Variants in NR2C2 observed in about 807,000 individuals in gnomAD.
The protein encoded by NR2C2 is Nuclear hormone receptor TR4.
A neutral mutation model predicts 62.9 loss-of-function variants in NR2C2; 6 were observed. The ratio of observed to expected loss-of-function variants is 0.10; its 90% CI spans 0.05 to 0.19. NR2C2 has a LOEUF of 0.19. Ranked by LOEUF, NR2C2 falls within the 10% of genes least tolerant of loss-of-function variation. The probability of loss-of-function intolerance (pLI) is 1.00; values close to 1 mark genes in which losing one functional copy is unlikely to be tolerated. For synonymous variants in NR2C2, 272 were observed against 273.8 expected (o/e 0.99, Z 0.07); for missense variants, 479 against 762.7 (o/e 0.63, Z 4.38).
At chr3:14,956,048 A>G (rs1231492775) in intron 1 of NR2C2, among the ~76,000 whole-genome samples, 6 of 152,222 alleles carry the variant, frequency 3.9e-5, no homozygotes, top group African/African-American at 1.4e-4. Flanking sequence ...CACAATGGAA[A>G]GGAAATTACC....
At chr3:14,960,920 C>T (rs745501408) in intron 1 of NR2C2, among the ~76,000 whole-genome samples, 11 of 152,084 alleles carry the variant, frequency 7.2e-5, no homozygotes, top group Non-Finnish European at 1.0e-4. Flanking sequence ...TGTAACCAAA[C>T]TATAGCAAGA....
rs3773486 is a variant in NR2C2, at chr3:15,043,373, T to A, written c.*365T>A. ...AATAGTATGTGTGTATATATATATA[T>A]AAAAAAGTCCTTGGAATTATAGATA... On this transcript the variant is annotated 3_prime_UTR_variant, in exon 14 of 14. Coordinates refer to ENST00000425241, the MANE Select transcript of NR2C2 (RefSeq NM_001291694.2). 0.35 allele frequency: 54,941 copies of A among 155,282 alleles called. 12,251 individuals are homozygous for A. Among genetic ancestry groups the A allele is most frequent in the African/African-American group, 0.64 (26,743 of 41,578 alleles). The allele number at this position is 155,282 out of a possible 1,614,324, so 9.6% of individuals were successfully genotyped here. A position where few individuals can be genotyped will look rare whatever the true frequency, so the allele number is the denominator to read the frequency against.
intron 3 of NR2C2, among the ~76,000 whole-genome samples, chr3:15,015,882 A>G (rs1419361268): frequency 6.6e-6 from 1 of 151,376 alleles, no homozygotes; most frequent in African/African-American, 2.4e-5. Context: ...GCTCACTACA[A>G]CCTCTGCCTC....
chr3:14,969,736 G>A (rs1187735412), intron 1 of NR2C2, among the ~76,000 whole-genome samples: 1 of 152,116 alleles, frequency 6.6e-6, no homozygotes, highest in African/African-American at 2.4e-5. Flanking sequence ...CTATGTAAGG[G>A]GCTCTCAGCC....
At chr3:14,958,309 T>TA (rs1234499332) in intron 1 of NR2C2, among the ~76,000 whole-genome samples, 1 of 152,202 alleles carries the variant, frequency 6.6e-6, no homozygotes, top group Non-Finnish European at 1.5e-5. Flanking sequence ...ACTTGATTAG[T>TA]AAAATCACCA....
At position 15,046,432 on chromosome 3, in the gene NR2C2, T is replaced by G. The variant is rs2042454535; in HGVS notation, c.*3424T>G. 1 of 152,244 alleles carries G rather than the reference T, an allele frequency of 6.6e-6. No homozygotes were observed. Among genetic ancestry groups the G allele is most frequent in the Admixed American group, 6.5e-5 (1 of 15,288 alleles). 9.4% of individuals were successfully genotyped at this position (152,244 alleles called of 1,614,324 possible). ...GCTGTCTTACTTGTTTGGGGGATAG[T>G]TACGGCAAGGAGCAAAAAATTCTAA... On this transcript the variant is annotated 3_prime_UTR_variant, in exon 14 of 14. Coordinates refer to ENST00000425241, the MANE Select transcript of NR2C2 (RefSeq NM_001291694.2).
chr3:15,040,874 A>G lies in NR2C2; in HGVS notation c.1616+1647A>G, dbSNP rs1472854316. Among the ~76,000 whole-genome samples, 3 of 152,212 alleles carry G rather than the reference A, an allele frequency of 2.0e-5. No individual in the cohort carries two copies. In the East Asian group the frequency reaches 5.8e-4, roughly 29 times the overall value. ...AGTCAGGTTGTCCTCCTAGGAGGCC[A>G]CAGGCCTGCTCCCCCACAGTTCCCA... is the stretch of plus-strand genomic sequence containing the variant. On this transcript the variant is annotated intron_variant, in intron 13 of 13. Transcript: ENST00000425241.
At chr3:15,004,518 A>G in intron 2 of NR2C2, 1 of 1,578,772 alleles carries the variant, frequency 6.3e-7, no homozygotes, top group South Asian at 1.2e-5. Context: ...ATTGTTATTA[A>G]CTAATCGATA....
intron 1 of NR2C2, among the ~76,000 whole-genome samples, chr3:14,994,151 T>A (rs1449454789): frequency 6.6e-6 from 1 of 151,896 alleles, no homozygotes; most frequent in Non-Finnish European, 1.5e-5. Context: ...ATAGTGTTTT[T>A]AAATTTTTGT....
At chr3:14,960,332 C>T (rs1000821439) in intron 1 of NR2C2, among the ~76,000 whole-genome samples, 1 of 152,148 alleles carries the variant, frequency 6.6e-6, no homozygotes, top group Non-Finnish European at 1.5e-5. Flanking sequence ...TAAACTTAAA[C>T]AGATTTACTG....
At chr3:14,975,990 C>G (rs1213867489) in intron 1 of NR2C2, among the ~76,000 whole-genome samples, 1 of 151,870 alleles carries the variant, frequency 6.6e-6, no homozygotes, top group East Asian at 1.9e-4. Flanking sequence ...CCCGGGCTGA[C>G]CTCGAACTCC....
chr3:14,973,116 TA>T (rs1037120852), intron 1 of NR2C2, among the ~76,000 whole-genome samples: 2 of 152,298 alleles, frequency 1.3e-5, no homozygotes, highest in South Asian at 4.1e-4. Flanking sequence ...TCCTTTGATG[TA>T]AAAAAAGTTT....
rs780912261 is a variant in NR2C2, at chr3:15,030,316, G to T, written c.974G>T (p.Ser325Ile). The T allele has an allele frequency of 1.2e-5, 19 of 1,612,488 alleles. No homozygotes were observed. The South Asian group carries it at 2.0e-4, about 17-fold the overall frequency. Residue 325 changes from serine to isoleucine, a missense_variant, in exon 9 of 14, where the codon AGC becomes ATC. Transcript: ENST00000425241. The part of the protein sequence containing the change: ...TLAKALNTTD[S>I]SSSPSLADGI... The stretch of plus-strand genomic sequence containing the variant: ...GCTAAAGCACTTAATACCACAGACA[G>T]CTCCTCTTCTCCAAGCTTGGCAGAT...
chr3:15,020,821 T>C lies in NR2C2; in HGVS notation c.445T>C (p.Leu149=), dbSNP rs1166204561. ...CTTCAAAAGGAGTGTGAGGAAAAAT[T>C]TGACCTACAGCTGCCGGAGCAACCA... The part of the protein sequence containing the change: ...GFFKRSVRKN[L]TYSCRSNQDC... The change falls in exon 5 of 14, where the codon TTG becomes CTG. Residue 149 remains leucine, a synonymous_variant. Coordinates refer to ENST00000425241, the MANE Select transcript of NR2C2 (RefSeq NM_001291694.2). 4 of 1,614,144 alleles carry C rather than the reference T, an allele frequency of 2.5e-6. No homozygotes were observed. The highest frequency in any genetic ancestry group is 3.4e-6 in the Non-Finnish European group (4 of 1,180,020).
At chr3:14,960,639 C>A (rs866781413) in intron 1 of NR2C2, among the ~76,000 whole-genome samples, 2 of 152,178 alleles carry the variant, frequency 1.3e-5, no homozygotes, top group Admixed American at 6.5e-5. Flanking sequence ...AATTCAAATT[C>A]ACATATTTCT....
intron 1 of NR2C2, among the ~76,000 whole-genome samples, chr3:14,992,012 T>A (rs1029250809): frequency 3.9e-5 from 6 of 152,082 alleles, no homozygotes; most frequent in Admixed American, 3.9e-4. Context: ...CCTCAAGTGA[T>A]CTTCCTACCT....
At position 15,045,634 on chromosome 3, in the gene NR2C2, G is replaced by A. The variant is rs1402115760; in HGVS notation, c.*2626G>A. 1 of 152,636 alleles carries A rather than the reference G, an allele frequency of 6.6e-6. No homozygotes were observed. Among genetic ancestry groups the A allele is most frequent in the Non-Finnish European group, 1.5e-5 (1 of 68,044 alleles). 9.5% of individuals were successfully genotyped at this position (152,636 alleles called of 1,614,324 possible). ...ACTCATTTCAAGCCTCTGACTGCAG[G>A]TCCATTTCATCTCCTGTCAGGTTGG... is the stretch of plus-strand genomic sequence containing the variant. On this transcript the variant is annotated 3_prime_UTR_variant, in exon 14 of 14. Transcript: ENST00000425241.
At position 15,045,656 on chromosome 3, in the gene NR2C2, T is replaced by A. The variant is rs929530981; in HGVS notation, c.*2648T>A. On this transcript the variant is annotated 3_prime_UTR_variant, in exon 14 of 14. Transcript: ENST00000425241. ...CAGGTCCATTTCATCTCCTGTCAGGTTGGTTAAGTAAAGTCAGCCCAAAGT... is the reference window on the plus strand; with the variant it reads ...CAGGTCCATTTCATCTCCTGTCAGGATGGTTAAGTAAAGTCAGCCCAAAGT... 4.6e-5 allele frequency: 7 copies of A among 152,646 alleles called. No individual in the cohort carries two copies. Among genetic ancestry groups the A allele is most frequent in the African/African-American group, 1.7e-4 (7 of 41,452 alleles). 9.5% of individuals were successfully genotyped at this position (152,646 alleles called of 1,614,324 possible).
intron 1 of NR2C2, among the ~76,000 whole-genome samples, chr3:14,951,357 G>T (rs2125204230): frequency 6.6e-6 from 1 of 152,222 alleles, no homozygotes; most frequent in East Asian, 1.9e-4. Flanking sequence ...AGCAAATTTT[G>T]TTAAGTATAC....
Sources: gnomAD v4.1 joint callset for allele counts (sites outside exome capture counted in the v4.1 genomes callset) on GRCh38, gnomAD v4.1.1 for gene constraint, MANE v1.5 for transcripts, NCBI Gene and HGNC (gene_info 2026-07-23, HGNC 2026-07-21) for gene names.